PCDH15: variants seen among roughly 807,000 people sequenced by gnomAD.
PCDH15 encodes the protein protocadherin related 15, also known as protocadherin-15.
Under a neutral mutation model 178.5 loss-of-function variants are expected in PCDH15, and 129 were observed. The ratio of observed to expected loss-of-function variants is 0.72; its 90% CI spans 0.63 to 0.84. PCDH15 has a LOEUF of 0.84. Ranked by LOEUF, PCDH15 falls within the 40% of genes least tolerant of loss-of-function variation. The pLI, the probability that PCDH15 is intolerant of heterozygous loss-of-function variation, is 0.00. For synonymous variants in PCDH15, 800 were observed against 732.0 expected (o/e 1.09, Z -1.50); for missense variants, 2,230 against 2,099.9 (o/e 1.06, Z -1.21).
At chr10:55,598,362 G>C (rs573270567) in intron 2 of PCDH15, among the ~76,000 whole-genome samples, 2 of 151,206 alleles carry the variant, frequency 1.3e-5, no homozygotes, top group African/African-American at 2.4e-5. Context: ...AAGACTGTTC[G>C]CCAGAGTACT....
chr10:54,153,317 A>T, intron 13 of PCDH15, 24 bp from the exon 14 acceptor site: 1 of 1,612,882 alleles, frequency 6.2e-7, no homozygotes, highest in Non-Finnish European at 8.5e-7. Context: ...TCACAACATA[A>T]ATCCTCTTGG....
chr10:54,185,979 C>T (rs556671619), intron 11 of PCDH15, among the ~76,000 whole-genome samples: 4 of 152,110 alleles, frequency 2.6e-5, no homozygotes, highest in African/African-American at 9.6e-5. Flanking sequence ...GTCTGAGAGA[C>T]AATCAACTTA....
chr10:55,527,107 C>A (rs540060877), intron 2 of PCDH15, among the ~76,000 whole-genome samples: 1 of 152,086 alleles, frequency 6.6e-6, no homozygotes, highest in East Asian at 1.9e-4. Flanking sequence ...TTAAAATTTG[C>A]AGCAGCAAGA....
chr10:55,493,294 G>A (rs968165614), intron 2 of PCDH15, among the ~76,000 whole-genome samples: 1 of 151,438 alleles, frequency 6.6e-6, no homozygotes, highest in Non-Finnish European at 1.5e-5. Context: ...GGTCGCTCAT[G>A]CCTGTAACCC....
chr10:54,141,842 T>C (rs2043440212), intron 14 of PCDH15, among the ~76,000 whole-genome samples: 1 of 152,202 alleles, frequency 6.6e-6, no homozygotes, highest in African/African-American at 2.4e-5. Flanking sequence ...AAGTACTGTA[T>C]CTAGAAGTAA....
At chr10:54,159,484 A>T (rs2045497794) in intron 13 of PCDH15, among the ~76,000 whole-genome samples, 1 of 152,146 alleles carries the variant, frequency 6.6e-6, no homozygotes, top group South Asian at 2.1e-4. Flanking sequence ...CTGAAACCAA[A>T]TTCACCACTT....
chr10:54,687,967 T>TATATAGATC (rs2095045064), intron 1 of PCDH15, among the ~76,000 whole-genome samples: 2 of 152,070 alleles, frequency 1.3e-5, no homozygotes, highest in African/African-American at 4.8e-5. Context: ...CCAAACAACA[T>TATATAGATC]TATGTCTATA....
chr10:55,371,604 TCA>T (rs1845510078), intron 2 of PCDH15, among the ~76,000 whole-genome samples: 1 of 151,952 alleles, frequency 6.6e-6, no homozygotes, highest in African/African-American at 2.4e-5. Flanking sequence ...ACTTCCCCCA[TCA>T]CTCTCTCTCT....
chr10:53,815,937 A>T (rs2076046232), intron 35 of PCDH15, among the ~76,000 whole-genome samples: 1 of 152,180 alleles, frequency 6.6e-6, no homozygotes, highest in Admixed American at 6.5e-5. Flanking sequence ...GATTAAGACA[A>T]GTAACTGCTG....
chr10:55,300,699 G>C (rs1564984308), intron 1 of PCDH15, among the ~76,000 whole-genome samples: 1 of 152,050 alleles, frequency 6.6e-6, no homozygotes, highest in African/African-American at 2.4e-5. Flanking sequence ...TGTATAGGAA[G>C]CTTATGAGAA....
At chr10:54,896,050 C>T (rs2131820727) in intron 3 of PCDH15, among the ~76,000 whole-genome samples, 1 of 152,102 alleles carries the variant, frequency 6.6e-6, no homozygotes, top group Non-Finnish European at 1.5e-5. Context: ...CCACAGCCAG[C>T]TAATTTTTGT....
At chr10:54,171,782 C>T (rs2046934109) in intron 13 of PCDH15, among the ~76,000 whole-genome samples, 1 of 151,248 alleles carries the variant, frequency 6.6e-6, no homozygotes. Flanking sequence ...CATTTAGTTT[C>T]TCAATTCATC....
chr10:54,841,901 A>G (rs1460821597), intron 3 of PCDH15, among the ~76,000 whole-genome samples: 2 of 151,838 alleles, frequency 1.3e-5, no homozygotes, highest in East Asian at 3.9e-4. Context: ...TGATGTCTAG[A>G]CTGATAATTA....
At chr10:54,765,520 A>G (rs116930343) in intron 1 of PCDH15, among the ~76,000 whole-genome samples, 3,067 of 152,252 alleles carry the variant, frequency 0.02, 37 homozygotes, top group Non-Finnish European at 0.031. Context: ...TCACCCTGGT[A>G]CCCAGAATTT....
chr10:54,822,631 C>T (rs867028251), intron 3 of PCDH15, among the ~76,000 whole-genome samples: 8 of 151,892 alleles, frequency 5.3e-5, no homozygotes, highest in South Asian at 4.1e-4. Context: ...TACTGATTTC[C>T]TTTCTTTGGA....
intron 3 of PCDH15, among the ~76,000 whole-genome samples, chr10:54,881,830 TA>T (rs1396729103): frequency 6.6e-6 from 1 of 152,186 alleles, no homozygotes; most frequent in Non-Finnish European, 1.5e-5. Context: ...TTTTAAGTAT[TA>T]AAAATATATT....
chr10:55,607,150 C>G (rs1307840467), intron 2 of PCDH15, among the ~76,000 whole-genome samples: 4 of 151,686 alleles, frequency 2.6e-5, no homozygotes, highest in Non-Finnish European at 5.9e-5. Flanking sequence ...TGAAAAAATG[C>G]TCATCATCAC....
At chr10:54,880,100 T>C (rs1027855603) in intron 3 of PCDH15, among the ~76,000 whole-genome samples, 1 of 152,172 alleles carries the variant, frequency 6.6e-6, no homozygotes, top group Non-Finnish European at 1.5e-5. Flanking sequence ...AGATCCCTTA[T>C]GAAATACCTT....
chr10:54,684,362 T>A (rs1001882671), intron 1 of PCDH15, among the ~76,000 whole-genome samples: 1 of 151,878 alleles, frequency 6.6e-6, no homozygotes, highest in Non-Finnish European at 1.5e-5. Context: ...ATAGATACTC[T>A]AGGATATGTC....
Sources: allele counts gnomAD v4.1 joint callset (sites outside exome capture counted in the v4.1 genomes callset), GRCh38; gene constraint gnomAD v4.1.1; transcripts MANE v1.5; gene names NCBI Gene and HGNC (gene_info 2026-07-23, HGNC 2026-07-21).